INTS13: variants seen among roughly 807,000 people sequenced by gnomAD.
INTS13 encodes the protein asunder, spermatogenesis regulator homolog (Drosphila).
A neutral mutation model predicts 90.2 loss-of-function variants in INTS13; 35 were observed. That is an observed-to-expected ratio of 0.39 (90% CI 0.30 to 0.51). The LOEUF (loss-of-function observed/expected upper bound fraction) is 0.51. INTS13 is among the 20% of genes least tolerant of loss of function. The pLI, the probability that INTS13 is intolerant of heterozygous loss-of-function variation, is 0.80. For missense variants in INTS13, 601 were observed against 851.2 expected (o/e 0.71, Z 3.66); for synonymous variants, 309 against 277.1 (o/e 1.11, Z -1.14).
intron 14 of INTS13, among the ~76,000 whole-genome samples, chr12:26,912,192 T>C (rs1592200024): frequency 6.6e-6 from 1 of 152,152 alleles, no homozygotes; most frequent in Admixed American, 6.5e-5. Context: ...CCCAAGCACT[T>C]TGGGAGACCA....
chr12:26,928,580 G>T, intron 4 of INTS13, 123 bp downstream of exon 4: 8 of 914,826 alleles, frequency 8.7e-6, no homozygotes, highest in Non-Finnish European at 1.1e-5. Flanking sequence ...AAAAAAATCA[G>T]AAAGGCCACT....
intron 14 of INTS13, among the ~76,000 whole-genome samples, chr12:26,912,729 C>T (rs1355214727): frequency 2.4e-5 from 2 of 83,344 alleles, no homozygotes; most frequent in African/African-American, 1.2e-4. Context: ...TTGCTGCAAT[C>T]ACTTTTTTTT....
At chr12:26,922,554 G>A (rs1481168679) in intron 8 of INTS13, 62 bp downstream of exon 8, 3 of 1,249,630 alleles carry the variant, frequency 2.4e-6, no homozygotes, top group East Asian at 4.9e-5. Flanking sequence ...GGATGTGGGG[G>A]CTACTGTAAT....
At chr12:26,921,601 A>G (rs1952119775) in intron 8 of INTS13, among the ~76,000 whole-genome samples, 1 of 152,144 alleles carries the variant, frequency 6.6e-6, no homozygotes, top group African/African-American at 2.4e-5. Context: ...TAGTCCCCCG[A>G]CTTTGCTGTG....
intron 5 of INTS13, among the ~76,000 whole-genome samples, chr12:26,926,289 T>C (rs1464193166): frequency 1.3e-5 from 2 of 152,208 alleles, no homozygotes; most frequent in East Asian, 3.8e-4. Context: ...ACTTTTTATT[T>C]TGAAATTTCC....
chr12:26,918,698 A>G (rs1172743024), intron 8 of INTS13, among the ~76,000 whole-genome samples: 1 of 152,242 alleles, frequency 6.6e-6, no homozygotes, highest in Non-Finnish European at 1.5e-5. Context: ...ACGTAAGAAG[A>G]TATTAATCTA....
chr12:26,921,623 G>A (rs1256950767), intron 8 of INTS13, among the ~76,000 whole-genome samples: 1 of 152,130 alleles, frequency 6.6e-6, no homozygotes, highest in Non-Finnish European at 1.5e-5. Context: ...CGCTTTCCGT[G>A]GTTTCAGTAC....
At position 26,928,231 on chromosome 12, in the gene INTS13, A is replaced by T; in HGVS notation, c.558T>A (p.His186Gln). 1 of 1,610,508 alleles carries T rather than the reference A, an allele frequency of 6.2e-7. No homozygotes were observed. Among genetic ancestry groups the T allele is most frequent in the Non-Finnish European group, 8.5e-7 (1 of 1,177,270 alleles). Residue 186 changes from histidine to glutamine, a missense_variant, in exon 5 of 17, where the codon CAT becomes CAA. Physicochemically the swap from His to Gln is conservative, Grantham distance 24. Transcript: ENST00000261191. ...GATCTGAATTTGCAGCAAGCTTGTTATGTTCATGAATCGTTTCCTGGACAC... is the reference window on the plus strand; with the variant it reads ...GATCTGAATTTGCAGCAAGCTTGTTTTGTTCATGAATCGTTTCCTGGACAC... The part of the protein sequence containing the change: ...EDCVQETIHE[H>Q]NKLAANSDHL...
chr12:26,922,250 G>A (rs1952141981), intron 8 of INTS13, among the ~76,000 whole-genome samples: 1 of 152,184 alleles, frequency 6.6e-6, no homozygotes, highest in South Asian at 2.1e-4. Flanking sequence ...ATCTCATCAT[G>A]TAGGTATTTT....
At chr12:26,921,725 A>G (rs1952123385) in intron 8 of INTS13, among the ~76,000 whole-genome samples, 1 of 152,158 alleles carries the variant, frequency 6.6e-6, no homozygotes, top group Non-Finnish European at 1.5e-5. Flanking sequence ...GCATGATCTC[A>G]GCTCACTGCA....
chr12:26,906,611 A>G, intron 15 of INTS13, 174 bp from the exon 16 acceptor site: 1 of 676,700 alleles, frequency 1.5e-6, no homozygotes, highest in Non-Finnish European at 2.4e-6. Flanking sequence ...TTACTCTAAA[A>G]TTTATGTGTT....
At chr12:26,933,675 G>A (rs1476269630) in intron 3 of INTS13, among the ~76,000 whole-genome samples, 1 of 152,170 alleles carries the variant, frequency 6.6e-6, no homozygotes, top group African/African-American at 2.4e-5. Context: ...GATGATAGGA[G>A]TGCAGTGGGC....
rs1176334497 is a variant in INTS13 at position 26,921,600 on chromosome 12, G to A, written c.889+1016C>T. ...CTCAAAGCTGTTACAGTAGTCCCCCGACTTTGCTGTGTCGCTTTCCGTGGT... is the reference window on the plus strand; with the variant it reads ...CTCAAAGCTGTTACAGTAGTCCCCCAACTTTGCTGTGTCGCTTTCCGTGGT... On this transcript the variant is annotated intron_variant, in intron 8 of 16. Transcript: ENST00000261191. 3.9e-5 allele frequency among the ~76,000 whole-genome samples: 6 copies of A among 152,272 alleles called. No individual in the cohort carries two copies. In the East Asian group the frequency reaches 5.8e-4, roughly 15 times the overall value.
intron 14 of INTS13, among the ~76,000 whole-genome samples, chr12:26,912,731 C>CTT: frequency 6.9e-6 from 1 of 144,870 alleles, no homozygotes; most frequent in South Asian, 2.2e-4. Context: ...GCTGCAATCA[C>CTT]TTTTTTTTTT....
chr12:26,925,719 A>G, intron 6 of INTS13, 42 bp downstream of exon 6: 1 of 1,435,562 alleles, frequency 7.0e-7, no homozygotes, highest in Non-Finnish European at 9.7e-7. Flanking sequence ...ATTTATTATT[A>G]TTAACCACAA....
intron 3 of INTS13, among the ~76,000 whole-genome samples, chr12:26,933,100 A>G (rs1434514201): frequency 6.6e-6 from 1 of 151,608 alleles, no homozygotes; most frequent in African/African-American, 2.4e-5. Flanking sequence ...CATAGTTAAG[A>G]GTATAAGTCA....
chr12:26,935,833 A>G (rs1344012087), intron 2 of INTS13, among the ~76,000 whole-genome samples: 2 of 152,204 alleles, frequency 1.3e-5, no homozygotes, highest in Admixed American at 6.5e-5. Flanking sequence ...GCTAGGTCCC[A>G]GCGCTTCGAG....
chr12:26,920,121 C>CT (rs1233640485), intron 8 of INTS13, among the ~76,000 whole-genome samples: 1 of 114,058 alleles, frequency 8.8e-6, no homozygotes, highest in Non-Finnish European at 1.8e-5. Flanking sequence ...GAGCGAGACT[C>CT]TGTCTCAAAA....
intron 11 of INTS13, among the ~76,000 whole-genome samples, chr12:26,914,834 C>T (rs1416989388): frequency 6.6e-6 from 1 of 152,098 alleles, no homozygotes; most frequent in African/African-American, 2.4e-5. Context: ...TTGTAAAAAC[C>T]AAGGAACACT....
Sources: allele counts gnomAD v4.1 joint callset (sites outside exome capture counted in the v4.1 genomes callset), GRCh38; gene constraint gnomAD v4.1.1; transcripts MANE v1.5; gene names NCBI Gene and HGNC (gene_info 2026-07-23, HGNC 2026-07-21).